Variants in GEMIN7 observed in about 807,000 individuals in gnomAD.
GEMIN7 encodes gem nuclear organelle associated protein 7.
A neutral mutation model predicts 7.8 loss-of-function variants in GEMIN7; 7 were observed. That is an observed-to-expected ratio of 0.90 (90% CI 0.51 to 1.69). GEMIN7 has a LOEUF of 1.69. Among genes scored for constraint, GEMIN7 ranks in the 40% most tolerant of loss-of-function variants. The pLI is 0.00. For missense variants in GEMIN7, 159 were observed against 176.2 expected, an observed-to-expected ratio of 0.90 and a Z score of 0.55; for synonymous variants, 68 against 72.4, an observed-to-expected ratio of 0.94 and a Z score of 0.31.
intron 2 of GEMIN7, among the ~76,000 whole-genome samples, chr19:45,082,192 A>T (rs534911113): frequency 1.2e-4 from 18 of 151,228 alleles, no homozygotes; most frequent in Admixed American, 9.9e-4. Flanking sequence ...CCCACAAGGC[A>T]CTCTCTCTGT....
chr19:45,086,508 T>C (rs537425592), intron 2 of GEMIN7, among the ~76,000 whole-genome samples: 28 of 152,228 alleles, frequency 1.8e-4, no homozygotes, highest in African/African-American at 6.3e-4. Flanking sequence ...GCTTCATATG[T>C]CCCAGACATG....
At chr19:45,089,400 T>A (rs906261463) in intron 2 of GEMIN7, among the ~76,000 whole-genome samples, 6 of 152,242 alleles carry the variant, frequency 3.9e-5, no homozygotes, top group African/African-American at 1.4e-4. Flanking sequence ...TCTGTAACTA[T>A]CATTATTGTA....
chr19:45,090,423 CG>C lies in GEMIN7; in HGVS notation c.310del (p.Val104CysfsTer8), dbSNP rs1967858378. 3.1e-6 allele frequency: 5 copies of C among 1,614,152 alleles called. No homozygotes were observed. The highest frequency in any genetic ancestry group is 4.2e-6 in the Non-Finnish European group (5 of 1,180,036). On this transcript the variant is annotated frameshift_variant, in exon 3 of 3. Coordinates refer to ENST00000270257, the MANE Select transcript of GEMIN7 (RefSeq NM_024707.3). LOFTEE classifies it high-confidence loss of function. Reference sequence around the variant, plus strand: ...CCGACCTGGATGTGGCCAACTTCTACGTGTCACAGCTGCAGACTCCCATAGG... The same window carrying C: ...CCGACCTGGATGTGGCCAACTTCTACTGTCACAGCTGCAGACTCCCATAGG... The part of the protein sequence containing the change: ...ATDLDVANFY[V>X]SQLQTPIGVQ...
intron 2 of GEMIN7, among the ~76,000 whole-genome samples, chr19:45,080,241 G>A (rs1237175508): frequency 1.3e-5 from 2 of 152,188 alleles, no homozygotes; most frequent in African/African-American, 4.8e-5. Context: ...GGCACACCCT[G>A]TGTGATCTTT....
At chr19:45,078,187 C>T (rs947578282), upstream of GEMIN7, among the ~76,000 whole-genome samples, 1 of 150,420 alleles carries the variant, frequency 6.6e-6, no homozygotes, top group Admixed American at 6.7e-5. Flanking sequence ...CTGCAACCTC[C>T]GCCTCCCGGG....
At chr19:45,081,552 CT>C (rs1278293240) in intron 2 of GEMIN7, among the ~76,000 whole-genome samples, 1 of 149,228 alleles carries the variant, frequency 6.7e-6, no homozygotes, top group Non-Finnish European at 1.5e-5. Context: ...TGGAGTCTCC[CT>C]TGGCTGCTCT....
chr19:45,075,774 G>A (rs748850944), upstream of GEMIN7: 7 of 1,614,054 alleles, frequency 4.3e-6, no homozygotes, highest in African/African-American at 1.3e-5. Context: ...TGTGGTCCAT[G>A]AAGGCAGTGA....
At chr19:45,084,147 G>A (rs8111944) in intron 2 of GEMIN7, among the ~76,000 whole-genome samples, 82,521 of 147,784 alleles carry the variant, frequency 0.56, 23,756 homozygotes, top group African/African-American at 0.68. Flanking sequence ...GGAGGCGGAC[G>A]TTGTAGTGAG....
chr19:45,076,366 C>A (rs757400624), upstream of GEMIN7: 1 of 1,342,712 alleles, frequency 7.4e-7, no homozygotes, highest in South Asian at 2.3e-5. The surrounding 1 kb of genome is among the most constrained non-coding windows in gnomAD (Gnocchi z 4.9). Flanking sequence ...GGCCTTGCGG[C>A]GGGACATGAG....
rs773592045 is a variant in GEMIN7, at chr19:45,083,031, T to C, written c.-9+3002T>C. On this transcript the variant is annotated intron_variant, in intron 2 of 2. Coordinates refer to ENST00000270257, the MANE Select transcript of GEMIN7 (RefSeq NM_024707.3). ...TGTTCATTTGTTTCCATATTGTCTA[T>C]GGCTGCTGTTGTGCTACTGTGGCAG... Among the ~76,000 whole-genome samples, 11 of 152,350 alleles carry C rather than the reference T, an allele frequency of 7.2e-5. 1 individual carries two copies. Among genetic ancestry groups the C allele is most frequent in the South Asian group, 4.1e-4 (2 of 4,834 alleles).
chr19:45,087,434 T>C (rs1047425912), intron 2 of GEMIN7, among the ~76,000 whole-genome samples: 15 of 152,152 alleles, frequency 9.9e-5, no homozygotes, highest in Admixed American at 6.6e-5. Flanking sequence ...TGCGCCGCCA[T>C]GCCCAGCTCA....
At chr19:45,081,182 C>T (rs114611997) in intron 2 of GEMIN7, among the ~76,000 whole-genome samples, 1,674 of 152,154 alleles carry the variant, frequency 0.011, 28 homozygotes, top group African/African-American at 0.036. Flanking sequence ...TTAGAAAATG[C>T]AAGGCCGGGC....
rs1349238694 is a variant in GEMIN7, at chr19:45,090,381, C to T, written c.267C>T (p.Ala89=). 9 of 1,614,010 alleles carry T rather than the reference C, an allele frequency of 5.6e-6. No individual in the cohort carries two copies. Among genetic ancestry groups the T allele is most frequent in the African/African-American group, 2.7e-5 (2 of 74,928 alleles). Residue 89 remains alanine (A), a synonymous_variant, in exon 3 of 3, where the codon GCC becomes GCT. Coordinates refer to ENST00000270257, the MANE Select transcript of GEMIN7 (RefSeq NM_024707.3). ...CGTTGCACGAGGGTGTGCGTGTGGCCGCCCACTTTGGAGCCACCGACCTGG... is the reference window on the plus strand; with the variant it reads ...CGTTGCACGAGGGTGTGCGTGTGGCTGCCCACTTTGGAGCCACCGACCTGG... ...SFTLHEGVRV[A]AHFGATDLDV...
Position 45,083,318 on chromosome 19 carries a change from G to A in GEMIN7, c.-9+3289G>A, listed in dbSNP as rs1001832017. Among the ~76,000 whole-genome samples, 12 of 152,026 alleles carry A rather than the reference G, an allele frequency of 7.9e-5. No homozygotes were observed. The East Asian group carries it at 9.8e-4, about 12-fold the overall frequency. ...AAAAATTAGCCAGGCATGGTGGCGC[G>A]CACCTGTAATCCCAGCTACTCAGGA... On this transcript the variant is annotated intron_variant, in intron 2 of 2. Transcript: ENST00000270257.
At chr19:45,077,428 C>T (rs780579145), upstream of GEMIN7, among the ~76,000 whole-genome samples, 7 of 152,126 alleles carry the variant, frequency 4.6e-5, no homozygotes, top group South Asian at 2.1e-4. Flanking sequence ...GAAGTGGCAT[C>T]GACACCCTGC....
At chr19:45,085,954 G>A (rs1452656918) in intron 2 of GEMIN7, among the ~76,000 whole-genome samples, 2 of 134,792 alleles carry the variant, frequency 1.5e-5, no homozygotes, top group South Asian at 2.6e-4. Flanking sequence ...TGCAAGCTCC[G>A]CCTCCCGGGT....
upstream of GEMIN7, chr19:45,076,504 A>G (rs1361305486): frequency 1.5e-6 from 1 of 647,922 alleles, no homozygotes; most frequent in East Asian, 4.0e-5. The surrounding 1 kb of genome is among the most constrained non-coding windows in gnomAD (Gnocchi z 4.9). Context: ...GAACTCTTAC[A>G]CGTGCTGGCC....
upstream of GEMIN7, among the ~76,000 whole-genome samples, chr19:45,077,271 TGAGCA>T (rs546925196): frequency 6.7e-4 from 102 of 152,300 alleles, 2 homozygotes; most frequent in African/African-American, 2.3e-3. Flanking sequence ...AGGAGGGTTT[TGAGCA>T]GAGGAGGACT....
intron 2 of GEMIN7, among the ~76,000 whole-genome samples, chr19:45,084,829 C>T (rs779495311): frequency 1.3e-5 from 2 of 152,254 alleles, no homozygotes; most frequent in Admixed American, 1.3e-4. Context: ...AGTCTCGGCT[C>T]ACCACAACCT....
Sources: gnomAD v4.1 joint callset for allele counts (sites outside exome capture counted in the v4.1 genomes callset) on GRCh38, gnomAD v4.1.1 for gene constraint, Gnocchi (gnomAD v3.1) non-coding constraint, MANE v1.5 for transcripts, NCBI Gene and HGNC (gene_info 2026-07-23, HGNC 2026-07-21) for gene names.